REV1: variants seen among roughly 807,000 people sequenced by gnomAD.
REV1 encodes REV1 DNA directed polymerase.
In REV1, 42 loss-of-function variants were observed where a neutral mutation model predicts 137.4. The observed-to-expected ratio is 0.31, with a 90% CI of 0.24 to 0.40. The LOEUF (loss-of-function observed/expected upper bound fraction) is 0.40, where lower values mean the gene tolerates loss of function less well. Ranked by LOEUF, REV1 falls within the 10% of genes least tolerant of loss-of-function variation. The pLI, the probability that REV1 is intolerant of heterozygous loss-of-function variation, is 1.00. For synonymous variants in REV1, 524 were observed against 519.2 expected, an observed-to-expected ratio of 1.01 and a Z score of -0.12; for missense variants, 1,282 against 1,490.1, an observed-to-expected ratio of 0.86 and a Z score of 2.30.
At chr2:99,473,586 T>C (rs1037858393) in intron 1 of REV1, among the ~76,000 whole-genome samples, 8 of 152,200 alleles carry the variant, frequency 5.3e-5, no homozygotes, top group African/African-American at 1.9e-4. Flanking sequence ...GTCTAAGATA[T>C]TTAGATCAGG....
At chr2:99,406,164 CCT>C in intron 16 of REV1, 58 bp from the exon 17 acceptor site, 1 of 1,453,510 alleles carries the variant, frequency 6.9e-7, no homozygotes, top group South Asian at 1.4e-5. Context: ...GGCCTTTAAT[CCT>C]CTGTCCATTA....
At chr2:99,477,015 T>C (rs1322590153) in intron 1 of REV1, among the ~76,000 whole-genome samples, 2 of 152,218 alleles carry the variant, frequency 1.3e-5, no homozygotes, top group Non-Finnish European at 2.9e-5. Context: ...TAGCCAATTA[T>C]TTAACCTAAG....
intron 1 of REV1, among the ~76,000 whole-genome samples, chr2:99,470,830 C>T (rs1416072359): frequency 6.6e-6 from 1 of 152,194 alleles, no homozygotes; most frequent in African/African-American, 2.4e-5. Flanking sequence ...TCGGTGTACT[C>T]TCATGGCAAA....
chr2:99,410,979 G>A (rs1460262216), intron 13 of REV1, 112 bp from the exon 14 acceptor site: 8 of 992,652 alleles, frequency 8.1e-6, no homozygotes, highest in South Asian at 1.9e-5. Flanking sequence ...TCACTATCAC[G>A]CTCAGCATCT....
Position 99,404,563 on chromosome 2 carries a change from C to G in REV1, c.2926G>C (p.Gly976Arg). 6.2e-7 allele frequency: 1 copy of G among 1,614,068 alleles called. No individual in the cohort carries two copies. ...TGTGGCAAAATTCCTGTATTACAGC[C>G]ATTTACTGGTTCTTTCTTTTTGTCG... is the stretch of plus-strand genomic sequence containing the variant. ...HGDKKKEPVNGCNTGILPQPV... is the reference protein window; with the variant it reads ...HGDKKKEPVNRCNTGILPQPV... Residue 976 changes from glycine (G) to arginine (R), a missense_variant, in exon 18 of 23, where the codon GGC becomes CGC. Gly to Arg is a moderately radical substitution (Grantham distance 125). This residue lies in a region of REV1 where 135 missense variants were observed against 123.3 expected (regional missense o/e 1.10). Coordinates refer to ENST00000258428, the MANE Select transcript of REV1 (RefSeq NM_016316.4).
chr2:99,403,532 T>C (rs1675814278), intron 19 of REV1, 163 bp downstream of exon 19: 11 of 854,070 alleles, frequency 1.3e-5, no homozygotes, highest in Non-Finnish European at 2.0e-5. Flanking sequence ...ACTAGAAATA[T>C]GATGATATTT....
chr2:99,486,414 A>G (rs1687137935), intron 1 of REV1, among the ~76,000 whole-genome samples: 1 of 151,932 alleles, frequency 6.6e-6, no homozygotes, highest in Non-Finnish European at 1.5e-5. Context: ...CTGCAGTCCC[A>G]GCTACTCGGG....
chr2:99,414,434 C>A (rs1209669572), intron 12 of REV1, among the ~76,000 whole-genome samples: 1 of 151,136 alleles, frequency 6.6e-6, no homozygotes, highest in Non-Finnish European at 1.5e-5. Flanking sequence ...AAGTAAATAC[C>A]AAAGACCCCG....
Position 99,439,207 on chromosome 2 carries a change from G to C in REV1, c.607C>G (p.Leu203Val). 6.2e-7 allele frequency: 1 copy of C among 1,614,130 alleles called. No individual in the cohort carries two copies. The highest frequency in any genetic ancestry group is 8.5e-7 in the Non-Finnish European group (1 of 1,179,992). ...DENNDFSFVD[L>V]EQTSPGRKQN... ...TTCCTTCCCGGAGAGGTCTGCTCCAGATCCACAAAACTAAAATCATTATTT... is the reference window on the plus strand; with the variant it reads ...TTCCTTCCCGGAGAGGTCTGCTCCACATCCACAAAACTAAAATCATTATTT... Residue 203 changes from leucine (L) to valine (V), a missense_variant, in exon 6 of 23, where the codon CTG becomes GTG. Transcript: ENST00000258428.
chr2:99,461,092 T>A (rs1684137984), intron 3 of REV1, among the ~76,000 whole-genome samples: 1 of 152,242 alleles, frequency 6.6e-6, no homozygotes, highest in African/African-American at 2.4e-5. Flanking sequence ...TTTGTCAGGA[T>A]ACCTTCCTAC....
intron 1 of REV1, among the ~76,000 whole-genome samples, chr2:99,489,149 C>A (rs1021855275): frequency 2.6e-5 from 4 of 152,142 alleles, no homozygotes; most frequent in African/African-American, 9.7e-5. Context: ...GGGCAAGGGG[C>A]TCTCGGAAGG....
intron 10 of REV1, 44 bp from the exon 11 acceptor site, chr2:99,421,697 C>T: frequency 1.5e-5 from 23 of 1,584,056 alleles, no homozygotes; most frequent in Non-Finnish European, 1.9e-5. Flanking sequence ...CCACAGCCAC[C>T]ATCTGGTAGA....
At chr2:99,405,636 G>A in intron 17 of REV1, 1 of 274,098 alleles carries the variant, frequency 3.6e-6, no homozygotes, top group Non-Finnish European at 6.8e-6. Context: ...GATGACCACT[G>A]TCACAGACAA....
chr2:99,462,536 T>A lies in REV1; in HGVS notation c.141A>T (p.Thr47=). The change falls in exon 3 of 23, where the codon ACA becomes ACT. Residue 47 remains threonine (T), a synonymous_variant. Transcript: ENST00000258428. ...CATAGATGGCAACTCCACTAAAAAT[T>A]GTAGATGAAGTCCCATCCTTCTGCA... ...AAMQKDGTSS[T]IFSGVAIYVN... 1 of 1,613,636 alleles carries A rather than the reference T, an allele frequency of 6.2e-7. No individual in the cohort carries two copies. Among genetic ancestry groups the A allele is most frequent in the Admixed American group, 1.7e-5 (1 of 59,892 alleles).
chr2:99,490,191 C>A (rs1051194276), upstream of REV1, among the ~76,000 whole-genome samples: 1 of 151,284 alleles, frequency 6.6e-6, no homozygotes, highest in Non-Finnish European at 1.5e-5. Context: ...CGTCGGCCTC[C>A]GTGTTCCTCC....
intron 1 of REV1, among the ~76,000 whole-genome samples, chr2:99,468,974 G>T (rs560116634): frequency 2.0e-5 from 3 of 152,288 alleles, no homozygotes; most frequent in Admixed American, 1.3e-4. Flanking sequence ...CAGTAGACTA[G>T]ATACGGACTC....
chr2:99,406,603 G>A (rs1334920304), intron 15 of REV1, 113 bp from the exon 16 acceptor site: 2 of 821,382 alleles, frequency 2.4e-6, no homozygotes, highest in South Asian at 6.8e-5. Flanking sequence ...CCTGTTTCTA[G>A]AATAAAGGTA....
At chr2:99,408,418 A>G (rs1448477394) in intron 14 of REV1, 1 of 229,628 alleles carries the variant, frequency 4.4e-6, no homozygotes, top group Non-Finnish European at 8.3e-6. Flanking sequence ...AGAAAAAGGT[A>G]GATTTTAGCT....
rs747240906 is a variant in REV1, at chr2:99,439,326, AT to A, written c.504-17del. On this transcript the variant is annotated splice_polypyrimidine_tract_variant and intron_variant, in intron 5 of 22. Coordinates refer to ENST00000258428, the MANE Select transcript of REV1 (RefSeq NM_016316.4). ...GATGTGATTTCTAAAGCAGGAAAAA[AT>A]TTTTGAGTTAATAATATCTGACTTT... is the stretch of plus-strand genomic sequence containing the variant. 6.4e-7 allele frequency: 1 copy of A among 1,570,786 alleles called. No individual in the cohort carries two copies. Among genetic ancestry groups the A allele is most frequent in the Non-Finnish European group, 8.7e-7 (1 of 1,151,376 alleles).
Sources: allele counts gnomAD v4.1 joint callset (sites outside exome capture counted in the v4.1 genomes callset), GRCh38; gene constraint gnomAD v4.1.1; regional missense constraint gnomAD v4.1.1; transcripts MANE v1.5; gene names NCBI Gene and HGNC (gene_info 2026-07-23, HGNC 2026-07-21).